The following LIPJ variants were observed in gnomAD, a reference collection of about 807,000 sequenced individuals.
LIPJ encodes lipase member J.
LIPJ carries 33 observed loss-of-function variants against 39.8 expected under a neutral mutation model. The ratio of observed to expected loss-of-function variants is 0.83; its 90% CI spans 0.63 to 1.11. The LOEUF is 1.11. Among genes scored for constraint, LIPJ ranks in the 50% least tolerant of loss-of-function variants. The probability of loss-of-function intolerance (pLI) is 0.00; values close to 1 mark genes in which losing one functional copy is unlikely to be tolerated. For synonymous variants in LIPJ, 128 were observed against 139.2 expected (o/e 0.92, Z 0.57); for missense variants, 422 against 427.9 (o/e 0.99, Z 0.12).
At position 88,590,567 on chromosome 10, in the gene LIPJ, T is replaced by A. The variant is rs889347594; in HGVS notation, c.-103-18T>A. ...TGCTGCAATTTTAACTGTATAAACA[T>A]CTCCCTTTTATATATAGGTCCCAAA... On this transcript the variant is annotated intron_variant, in intron 2 of 10. Transcript: ENST00000371939. 4.0e-6 allele frequency: 3 copies of A among 751,818 alleles called. No individual in the cohort carries two copies. Among genetic ancestry groups the A allele is most frequent in the South Asian group, 1.5e-5 (1 of 67,520 alleles). 46.6% of individuals were successfully genotyped at this position (751,818 alleles called of 1,614,324 possible).
the LIPJ span, among the ~76,000 whole-genome samples, chr10:88,617,854 AT>A: frequency 6.6e-6 from 1 of 152,176 alleles, no homozygotes; most frequent in East Asian, 1.9e-4. Context: ...ATATCAAATA[AT>A]TTTTTAAGCA....
intron 2 of LIPJ, among the ~76,000 whole-genome samples, chr10:88,587,905 G>A (rs1378649646): frequency 1.3e-5 from 2 of 151,960 alleles, no homozygotes; most frequent in Non-Finnish European, 2.9e-5. Flanking sequence ...TTAATAAATA[G>A]CAAACGATTT....
chr10:88,592,232 C>T (rs1212806300), intron 4 of LIPJ: 1 of 151,770 alleles, frequency 6.6e-6, no homozygotes, highest in Non-Finnish European at 1.5e-5. Context: ...TTTGAAACAA[C>T]CTCAATTAAC....
chr10:88,599,163 G>T (rs895040708), intron 8 of LIPJ, among the ~76,000 whole-genome samples: 1 of 151,374 alleles, frequency 6.6e-6, no homozygotes, highest in East Asian at 1.9e-4. Context: ...GGAAACAAAA[G>T]AAATTTTCTC....
the LIPJ span, among the ~76,000 whole-genome samples, chr10:88,616,610 G>A: frequency 6.6e-6 from 1 of 152,328 alleles, no homozygotes; most frequent in Non-Finnish European, 1.5e-5. Flanking sequence ...GATTACGGCC[G>A]CCTACAGAAG....
downstream of LIPJ, among the ~76,000 whole-genome samples, chr10:88,611,723 A>C (rs1044941143): frequency 2.6e-5 from 4 of 152,224 alleles, no homozygotes; most frequent in African/African-American, 9.6e-5. Flanking sequence ...ACAAAGAAAA[A>C]AGAATTTTAA....
At position 88,599,142 on chromosome 10, in the gene LIPJ, T is replaced by C. The variant is rs572086181; in HGVS notation, c.723+2206T>C. Among the ~76,000 whole-genome samples the C allele has an allele frequency of 2.0e-5, 3 of 151,408 alleles. No homozygotes were observed. In the South Asian group the frequency reaches 6.2e-4, roughly 31 times the overall value. On this transcript the variant is annotated intron_variant, in intron 8 of 10. Transcript: ENST00000371939. ...TTATTTTTGACAGTTTCAAGTAGCC[T>C]GAATGGCAATGGAAACAAAAGAAAT...
chr10:88,607,184 C>T (rs912798565), downstream of LIPJ, among the ~76,000 whole-genome samples: 5 of 151,964 alleles, frequency 3.3e-5, no homozygotes, highest in Admixed American at 2.0e-4. Flanking sequence ...ATTTCAATTG[C>T]AGGAGATAAC....
At chr10:88,616,349 TA>T in the LIPJ span, among the ~76,000 whole-genome samples, 3 of 152,126 alleles carry the variant, frequency 2.0e-5, no homozygotes, top group African/African-American at 7.2e-5. Context: ...AGGGTCCTCA[TA>T]AAAGTCCCTG....
At chr10:88,603,397 G>A (rs1851560244) in intron 9 of LIPJ, among the ~76,000 whole-genome samples, 1 of 152,102 alleles carries the variant, frequency 6.6e-6, no homozygotes, top group South Asian at 2.1e-4. Flanking sequence ...GTTCACGTTT[G>A]TATTTCCAAG....
intron 8 of LIPJ, among the ~76,000 whole-genome samples, chr10:88,597,753 G>C (rs1412496217): frequency 6.6e-6 from 1 of 151,840 alleles, no homozygotes; most frequent in Non-Finnish European, 1.5e-5. Flanking sequence ...CACCCATAAA[G>C]ATATGAGAAG....
At chr10:88,583,036 T>A, upstream of LIPJ, 1 of 1,598,898 alleles carries the variant, frequency 6.3e-7, no homozygotes, top group Middle Eastern at 1.7e-4. Context: ...TGCCCGGCAG[T>A]CCTCTTTTCC....
intron 6 of LIPJ, 81 bp downstream of exon 6, chr10:88,594,857 G>T: frequency 1.6e-6 from 1 of 615,364 alleles, no homozygotes. Context: ...TTGTAGATAA[G>T]CTTCTAGACC....
chr10:88,589,666 T>G (rs1272799777), intron 2 of LIPJ, among the ~76,000 whole-genome samples: 1 of 151,880 alleles, frequency 6.6e-6, no homozygotes, highest in Non-Finnish European at 1.5e-5. Context: ...GAAAGACATA[T>G]CAAGTATGTG....
chr10:88,616,605 C>T, the LIPJ span, among the ~76,000 whole-genome samples: 10 of 152,322 alleles, frequency 6.6e-5, no homozygotes, highest in Admixed American at 5.2e-4. Context: ...CATGGGATTA[C>T]GGCCGCCTAC....
In LIPJ at chr10:88,595,546, T is replaced by C. The variant is rs368758286; in HGVS notation, c.440-734T>C. Among the ~76,000 whole-genome samples the C allele has an allele frequency of 1.6e-4, 24 of 151,774 alleles. No individual in the cohort carries two copies. In the East Asian group the frequency reaches 4.6e-3, roughly 29 times the overall value. Reference sequence around the variant, plus strand: ...ATGTATTAGCCATATATGTGACTTTTAGTCCAAATTCTCATCAACTATTCA... The same window carrying C: ...ATGTATTAGCCATATATGTGACTTTCAGTCCAAATTCTCATCAACTATTCA... On this transcript the variant is annotated intron_variant, in intron 6 of 10. Coordinates refer to ENST00000371939, the Ensembl canonical transcript of LIPJ.
chr10:88,616,855 C>G, the LIPJ span, among the ~76,000 whole-genome samples: 1 of 152,168 alleles, frequency 6.6e-6, no homozygotes, highest in African/African-American at 2.4e-5. Flanking sequence ...GGACTGAAAC[C>G]CTTCTCTGAG....
At chr10:88,586,561 T>C (rs570693791), upstream of LIPJ, among the ~76,000 whole-genome samples, 260 of 152,218 alleles carry the variant, frequency 1.7e-3, 2 homozygotes, top group African/African-American at 5.8e-3. Context: ...ACCCAGTGAC[T>C]CCCTAGTCCA....
downstream of LIPJ, among the ~76,000 whole-genome samples, chr10:88,608,190 G>A (rs970735456): frequency 6.6e-6 from 1 of 152,218 alleles, no homozygotes; most frequent in Non-Finnish European, 1.5e-5. Context: ...AAGTGGAACT[G>A]AGAAGCACTT....
Sources: gnomAD v4.1 joint callset for allele counts (sites outside exome capture counted in the v4.1 genomes callset) on GRCh38, gnomAD v4.1.1 for gene constraint, MANE v1.5 for transcripts, NCBI Gene and HGNC (gene_info 2026-07-23, HGNC 2026-07-21) for gene names.